HIVEP3: variants seen among roughly 807,000 people sequenced by gnomAD.
HIVEP3 encodes transcription factor HIVEP3.
Under a neutral mutation model 152.8 loss-of-function variants are expected in HIVEP3, and 49 were observed. The ratio of observed to expected loss-of-function variants is 0.32; its 90% CI spans 0.26 to 0.41. The LOEUF (loss-of-function observed/expected upper bound fraction) is 0.41. HIVEP3 is among the 10% of genes least tolerant of loss of function. HIVEP3 has a pLI of 1.00. For synonymous variants in HIVEP3, 1,269 were observed against 1,289.0 expected (o/e 0.98, Z 0.33); for missense variants, 2,790 against 3,103.3 (o/e 0.90, Z 2.40).
intron 1 of HIVEP3, among the ~76,000 whole-genome samples, chr1:41,896,437 C>G (rs1644528267): frequency 1.3e-5 from 2 of 152,172 alleles, no homozygotes; most frequent in Non-Finnish European, 2.9e-5. Flanking sequence ...GAGGCAACTG[C>G]ATTAGGTGCC....
chr1:41,947,022 G>T (rs145876694), intron 1 of HIVEP3, among the ~76,000 whole-genome samples: 2,441 of 152,226 alleles, frequency 0.016, 39 homozygotes, highest in Non-Finnish European at 0.021. Flanking sequence ...GAAACAGAGT[G>T]GTTTACAGTC....
intron 1 of HIVEP3, among the ~76,000 whole-genome samples, chr1:41,766,794 T>C (rs902403612): frequency 2.0e-5 from 3 of 152,220 alleles, no homozygotes; most frequent in Non-Finnish European, 4.4e-5. Context: ...ATCCACTTAA[T>C]GGACTCCAAC....
intron 3 of HIVEP3, among the ~76,000 whole-genome samples, chr1:41,595,022 G>C (rs1644644925): frequency 6.6e-6 from 1 of 152,188 alleles, no homozygotes; most frequent in Non-Finnish European, 1.5e-5. Flanking sequence ...TGTGGTGTCT[G>C]ATAAAAGCAC....
intron 1 of HIVEP3, among the ~76,000 whole-genome samples, chr1:41,824,338 T>C (rs1441354181): frequency 5.9e-5 from 9 of 152,218 alleles, no homozygotes; most frequent in Non-Finnish European, 1.0e-4. Context: ...GTTCCTTCTC[T>C]TGTTTGATCA....
At chr1:41,639,424 G>A (rs1645338179) in intron 2 of HIVEP3, among the ~76,000 whole-genome samples, 1 of 152,182 alleles carries the variant, frequency 6.6e-6, no homozygotes, top group Non-Finnish European at 1.5e-5. Flanking sequence ...CTTTCCTCAT[G>A]AGTCAGAAGT....
chr1:41,714,153 A>T (rs1646555509), intron 1 of HIVEP3, among the ~76,000 whole-genome samples: 1 of 152,140 alleles, frequency 6.6e-6, no homozygotes, highest in South Asian at 2.1e-4. Context: ...ATCCGAGGGG[A>T]GGCTGGAAGA....
intron 7 of HIVEP3, among the ~76,000 whole-genome samples, chr1:41,517,485 T>C (rs1642641484): frequency 6.6e-6 from 1 of 152,244 alleles, no homozygotes; most frequent in Non-Finnish European, 1.5e-5. Context: ...ACTTAACTCT[T>C]TTTTGTAAGA....
chr1:41,645,628 C>G (rs897493807), intron 2 of HIVEP3, among the ~76,000 whole-genome samples: 7 of 152,224 alleles, frequency 4.6e-5, no homozygotes, highest in African/African-American at 1.7e-4. Context: ...ATTCTGCCTT[C>G]ACAGAATATA....
chr1:41,627,946 C>A (rs1378072341), intron 3 of HIVEP3, among the ~76,000 whole-genome samples: 1 of 150,692 alleles, frequency 6.6e-6, no homozygotes. Flanking sequence ...ATCCCCAGCT[C>A]TCTGGGTGAT....
In HIVEP3 at chr1:41,509,081, A is replaced by G. The variant is rs556567873; in HGVS notation, c.*1370T>C. 48 of 152,354 alleles carry G rather than the reference A, an allele frequency of 3.2e-4. No individual in the cohort carries two copies. The highest frequency in any genetic ancestry group is 1.2e-3 in the African/African-American group (48 of 41,582). The allele number at this position is 152,354 out of a possible 1,614,324, so 9.4% of individuals were successfully genotyped here. On this transcript the variant is annotated 3_prime_UTR_variant, in exon 9 of 9. Transcript: ENST00000372583. ...AGGAAATGCAGGGCAGCTTCTTGAA[A>G]GTAGAGATGTGGGTAAGGAAGAGGC...
intron 1 of HIVEP3, among the ~76,000 whole-genome samples, chr1:41,752,652 G>A (rs1185154746): frequency 6.6e-6 from 1 of 152,208 alleles, no homozygotes; most frequent in East Asian, 1.9e-4. Flanking sequence ...CCCTGGGCCT[G>A]TCCCAGACCG....
chr1:41,632,745 G>C (rs1645213526), intron 2 of HIVEP3, among the ~76,000 whole-genome samples: 1 of 151,336 alleles, frequency 6.6e-6, no homozygotes, highest in Admixed American at 6.6e-5. Flanking sequence ...GACACAGCAA[G>C]ACTCCAACTC....
rs10714772 is a variant in HIVEP3, at chr1:41,782,731, C to CAA, written c.-800-81738_-800-81737dup. The stretch of plus-strand genomic sequence containing the variant: ...TGGGCAACAGAGCAAGACTCCATCT[C>CAA]AAAAAAAAAAAAAAAAGGCTAAATA... On this transcript the variant is annotated intron_variant, in intron 1 of 8. Coordinates refer to ENST00000372583, the MANE Select transcript of HIVEP3 (RefSeq NM_024503.5). 2.8e-3 allele frequency among the ~76,000 whole-genome samples: 323 copies of CAA among 113,532 alleles called. 3 individuals are homozygous for CAA. Among genetic ancestry groups the CAA allele is most frequent in the African/African-American group, 8.9e-3 (269 of 30,134 alleles). 74.5% of individuals were successfully genotyped at this position (113,532 alleles called of 152,430 possible).
intron 1 of HIVEP3, among the ~76,000 whole-genome samples, chr1:41,981,738 C>T (rs1393436920): frequency 6.6e-6 from 1 of 152,158 alleles, no homozygotes; most frequent in Non-Finnish European, 1.5e-5. Context: ...TCACTGCTTT[C>T]GCTGGATTCA....
intron 1 of HIVEP3, among the ~76,000 whole-genome samples, chr1:41,985,125 A>T (rs1271206078): frequency 6.6e-6 from 1 of 152,328 alleles, no homozygotes; most frequent in Non-Finnish European, 1.5e-5. Flanking sequence ...GGAGCTAGCC[A>T]TGGGAAGAAT....
intron 1 of HIVEP3, among the ~76,000 whole-genome samples, chr1:41,867,543 T>A (rs1157919897): frequency 1.3e-5 from 2 of 152,144 alleles, no homozygotes; most frequent in Non-Finnish European, 2.9e-5. Flanking sequence ...ACGTGGCACC[T>A]GTACTAGGCC....
chr1:41,779,542 C>T (rs1037379376), intron 1 of HIVEP3, among the ~76,000 whole-genome samples: 4 of 152,188 alleles, frequency 2.6e-5, no homozygotes, highest in Non-Finnish European at 4.4e-5. Context: ...GCCCAGCAGG[C>T]GGGAGTGCAG....
Position 41,712,636 on chromosome 1 carries a change from C to T in HIVEP3, c.-800-11641G>A, listed in dbSNP as rs114016619. ...CTGCCCTTCTGAGTGAAGAGGGAAA[C>T]CAGCGTCCTGAGCTGACCTGCCTCA... On this transcript the variant is annotated intron_variant, in intron 1 of 8. Transcript: ENST00000372583. Among the ~76,000 whole-genome samples, 1,318 of 152,298 alleles carry T rather than the reference C, an allele frequency of 8.7e-3. 9 individuals carry two copies. Among genetic ancestry groups the T allele is most frequent in the Middle Eastern group, 0.02 (6 of 294 alleles).
At chr1:41,527,243 TCA>T (rs201377725) in intron 5 of HIVEP3, among the ~76,000 whole-genome samples, 4,740 of 28,390 alleles carry the variant, frequency 0.17, 207 homozygotes, top group Middle Eastern at 0.38. Flanking sequence ...CACACTCACC[TCA>T]CACACACACA....
Sources: allele counts gnomAD v4.1 joint callset (sites outside exome capture counted in the v4.1 genomes callset), GRCh38; gene constraint gnomAD v4.1.1; transcripts MANE v1.5; gene names NCBI Gene and HGNC (gene_info 2026-07-23, HGNC 2026-07-21).